CTNND1: variants seen among roughly 807,000 people sequenced by gnomAD.
CTNND1 encodes catenin delta-1.
In CTNND1, 16 loss-of-function variants were observed where a neutral mutation model predicts 112.1. That is an observed-to-expected ratio of 0.14 (90% CI 0.10 to 0.22). The LOEUF is 0.22. Ranked by LOEUF, CTNND1 falls within the 10% of genes least tolerant of loss-of-function variation. The pLI, the probability that CTNND1 is intolerant of heterozygous loss-of-function variation, is 1.00. For synonymous variants in CTNND1, 420 were observed against 446.5 expected, an observed-to-expected ratio of 0.94 and a Z score of 0.75; for missense variants, 1,008 against 1,257.0, an observed-to-expected ratio of 0.80 and a Z score of 3.00.
rs572988636 is a variant in CTNND1, at chr11:57,800,941, G to C, written c.957-792G>C. On this transcript the variant is annotated intron_variant, in intron 6 of 20. Coordinates refer to ENST00000399050, the MANE Select transcript of CTNND1 (RefSeq NM_001085458.2). ...TTTCTTACTTTCAATTGCTTTCTCTGTTCCTAGTGGCTGGGCTTCCCAAAT... is the reference window on the plus strand; with the variant it reads ...TTTCTTACTTTCAATTGCTTTCTCTCTTCCTAGTGGCTGGGCTTCCCAAAT... Among the ~76,000 whole-genome samples, 4 of 152,312 alleles carry C rather than the reference G, an allele frequency of 2.6e-5. No individual in the cohort carries two copies. The South Asian group carries it at 6.2e-4, about 24-fold the overall frequency.
At chr11:57,764,262 G>C (rs1276315066) in intron 1 of CTNND1, 2 of 152,084 alleles carry the variant, frequency 1.3e-5, no homozygotes, top group Non-Finnish European at 2.9e-5. Context: ...TCTTTTAGGT[G>C]GTTGGAGTTC....
At chr11:57,778,806 C>G (rs2059277116) in intron 1 of CTNND1, among the ~76,000 whole-genome samples, 1 of 152,140 alleles carries the variant, frequency 6.6e-6, no homozygotes. Flanking sequence ...GGGTCGATGT[C>G]TTTGTGGTTC....
At chr11:57,785,618 C>T (rs1178939620) in intron 1 of CTNND1, among the ~76,000 whole-genome samples, 3 of 151,966 alleles carry the variant, frequency 2.0e-5, no homozygotes, top group South Asian at 2.1e-4. Context: ...GGCATGATCT[C>T]GGCTCACTGC....
intron 4 of CTNND1, 73 bp from the exon 5 acceptor site, chr11:57,795,504 T>C (rs1372864295): frequency 2.0e-6 from 3 of 1,500,848 alleles, no homozygotes; most frequent in South Asian, 2.5e-5. Flanking sequence ...TTACCACTTA[T>C]GCTTCTTATT....
At chr11:57,809,826 C>T (rs1591652494) in intron 15 of CTNND1, among the ~76,000 whole-genome samples, 1 of 152,186 alleles carries the variant, frequency 6.6e-6, no homozygotes, top group East Asian at 1.9e-4. Context: ...TCTCCTGGCT[C>T]AGCCTCCTGA....
rs1373000734 is a variant in CTNND1 at position 57,816,635 on chromosome 11, A to G, written c.*327A>G. 6 of 428,982 alleles carry G rather than the reference A, an allele frequency of 1.4e-5. No homozygotes were observed. The highest frequency in any genetic ancestry group is 2.6e-5 in the Non-Finnish European group (6 of 235,042). The allele number at this position is 428,982 out of a possible 1,614,324, so 26.6% of individuals were successfully genotyped here. The stretch of plus-strand genomic sequence containing the variant: ...GAACTCCTGGCCTTTTGTGGAGGGG[A>G]GGGATGGAGAGAATAGGAATCTTCA... On this transcript the variant is annotated 3_prime_UTR_variant, in exon 21 of 21. Transcript: ENST00000399050.
At chr11:57,770,610 G>A (rs1334961363) in intron 1 of CTNND1, among the ~76,000 whole-genome samples, 1 of 150,280 alleles carries the variant, frequency 6.7e-6, no homozygotes, top group Non-Finnish European at 1.5e-5. Flanking sequence ...CCGAAATCGC[G>A]CCACTGCACT....
Position 57,761,881 on chromosome 11 carries a change from A to G in CTNND1, c.-452A>G, listed in dbSNP as rs1046577187. 65 of 985,272 alleles carry G rather than the reference A, an allele frequency of 6.6e-5. No homozygotes were observed. The highest frequency in any genetic ancestry group is 7.6e-5 in the Non-Finnish European group (63 of 829,904). The allele number at this position is 985,272 out of a possible 1,614,324, so 61.0% of individuals were successfully genotyped here. On this transcript the variant is annotated 5_prime_UTR_variant, in exon 1 of 21. Coordinates refer to ENST00000399050, the MANE Select transcript of CTNND1 (RefSeq NM_001085458.2). ...TTTTAGGTGTTGGATCTGAGGGGGA[A>G]AAAAAAGAGAGAGGGAGAGAGAGAG...
chr11:57,796,386 C>T, intron 5 of CTNND1, 71 bp from the exon 6 acceptor site: 3 of 1,120,346 alleles, frequency 2.7e-6, no homozygotes, highest in Non-Finnish European at 3.6e-6. Flanking sequence ...GACTCCATCT[C>T]AAAAAAAAAA....
intron 1 of CTNND1, among the ~76,000 whole-genome samples, chr11:57,780,528 A>C (rs865963120): frequency 1.3e-5 from 2 of 152,242 alleles, no homozygotes; most frequent in South Asian, 2.1e-4. Context: ...TATTTATAAA[A>C]AGAGGCCATT....
intron 14 of CTNND1, 87 bp from the exon 15 acceptor site, chr11:57,809,187 T>G: frequency 8.5e-6 from 8 of 941,204 alleles, no homozygotes; most frequent in Non-Finnish European, 1.3e-5. Flanking sequence ...CACCTACACT[T>G]GATATGATTA....
Position 57,791,660 on chromosome 11 carries a change from C to T in CTNND1, c.182C>T (p.Thr61Ile). 1 of 1,573,712 alleles carries T rather than the reference C, an allele frequency of 6.4e-7. No homozygotes were observed. The highest frequency in any genetic ancestry group is 1.2e-5 in the South Asian group (1 of 86,732). Residue 61 changes from threonine (T) to isoleucine (I), a missense_variant, in exon 3 of 21, where the codon ACC becomes ATC. By Grantham distance (89) the Thr-to-Ile change is moderately conservative. This residue lies in a region of CTNND1 where 404 missense variants were observed against 457.9 expected (regional missense o/e 0.88). Transcript: ENST00000399050. ...CCACTCATGGCCAACGGCACACTCA[C>T]CCGCCGGCATCAGGTAACCCCTCTC... ...ANPLMANGTL[T>I]RRHQNGRFVG...
chr11:57,809,472 C>T lies in CTNND1; in HGVS notation c.2435+6C>T. ...GTGTTGATCAACAAATCAGGGTGAGCTTACCACCTAAAATTACAGTCAAAA... is the reference window on the plus strand; with the variant it reads ...GTGTTGATCAACAAATCAGGGTGAGTTTACCACCTAAAATTACAGTCAAAA... On this transcript the variant is annotated splice_donor_region_variant and intron_variant, in intron 15 of 20. Transcript: ENST00000399050. 6.2e-7 allele frequency: 1 copy of T among 1,602,088 alleles called. No homozygotes were observed. The highest frequency in any genetic ancestry group is 1.1e-5 in the South Asian group (1 of 89,310).
chr11:57,805,011 G>A (rs904936962), intron 9 of CTNND1, among the ~76,000 whole-genome samples: 26 of 152,228 alleles, frequency 1.7e-4, no homozygotes, highest in African/African-American at 6.0e-4. Context: ...CGATTCTCAT[G>A]CCTCAGCCTC....
chr11:57,818,024 T>C lies in CTNND1; in HGVS notation c.*1716T>C, dbSNP rs2064066908. On this transcript the variant is annotated 3_prime_UTR_variant, in exon 21 of 21. Coordinates refer to ENST00000399050, the MANE Select transcript of CTNND1 (RefSeq NM_001085458.2). The stretch of plus-strand genomic sequence containing the variant: ...CCTTTACTCGTGCATTAAAATTTCT[T>C]ATTTACCCTTTTCCCCCTTCCCATT... The C allele has an allele frequency of 6.6e-6, 1 of 152,532 alleles. No homozygotes were observed. The highest frequency in any genetic ancestry group is 2.4e-5 in the African/African-American group (1 of 41,400). The allele number at this position is 152,532 out of a possible 1,614,324, so 9.4% of individuals were successfully genotyped here.
chr11:57,806,006 C>G lies in CTNND1; in HGVS notation c.1847C>G (p.Ala616Gly). 1 of 1,611,630 alleles carries G rather than the reference C, an allele frequency of 6.2e-7. No homozygotes were observed. The highest frequency in any genetic ancestry group is 8.5e-7 in the Non-Finnish European group (1 of 1,178,730). Residue 616 changes from alanine (A) to glycine (G), a missense_variant, in exon 10 of 21, where the codon GCC becomes GGC. This residue lies in a region of CTNND1 where 254 missense variants were observed against 279.5 expected (regional missense o/e 0.91). Transcript: ENST00000399050. ...GCCAACAATACTGGGCCACATGCTG[C>G]CAGTTGCTTTGGGGCCAAGAAGGGC... is the stretch of plus-strand genomic sequence containing the variant. ...NVANNTGPHA[A>G]SCFGAKKGKD...
chr11:57,808,650 TC>T, intron 14 of CTNND1, 110 bp downstream of exon 14: 1 of 1,053,260 alleles, frequency 9.5e-7, no homozygotes, highest in East Asian at 2.8e-5. Flanking sequence ...GGAAGGACCC[TC>T]CCCCGCTTCA....
Position 57,796,733 on chromosome 11 carries a change from C to T in CTNND1, c.697C>T (p.Arg233Trp), listed in dbSNP as rs748989464. ...GGSDNYGSLS[R>W]VTRIEERYRP... The stretch of plus-strand genomic sequence containing the variant: ...CAGTGATAACTATGGCAGTCTGTCC[C>T]GGGTGACCCGCATTGAGGAGCGGTA... The change falls in exon 6 of 21, where the codon CGG becomes TGG. Residue 233 changes from arginine (R) to tryptophan (W), a missense_variant. Coordinates refer to ENST00000399050, the MANE Select transcript of CTNND1 (RefSeq NM_001085458.2). 2.5e-6 allele frequency: 4 copies of T among 1,613,852 alleles called. No individual in the cohort carries two copies. The highest frequency in any genetic ancestry group is 2.5e-6 in the Non-Finnish European group (3 of 1,179,784).
Position 57,801,874 on chromosome 11 carries a change from A to G in CTNND1, c.1098A>G (p.Pro366=), listed in dbSNP as rs772280620. 3.1e-6 allele frequency: 5 copies of G among 1,614,056 alleles called. 1 individual carries two copies. The Admixed American group carries it at 6.7e-5, about 22-fold the overall frequency. The part of the protein sequence containing the change: ...GGPPPPNWRQ[P]ELPEVIAMLG... ...CTCCACCTCCTAATTGGAGACAGCC[A>G]GAGCTGCCAGAGGTGATCGCCATGC... The change falls in exon 7 of 21, where the codon CCA becomes CCG. Residue 366 remains proline (P), a synonymous_variant. Coordinates refer to ENST00000399050, the MANE Select transcript of CTNND1 (RefSeq NM_001085458.2).
Sources: allele counts gnomAD v4.1 joint callset (sites outside exome capture counted in the v4.1 genomes callset), GRCh38; gene constraint gnomAD v4.1.1; regional missense constraint gnomAD v4.1.1; transcripts MANE v1.5; gene names NCBI Gene and HGNC (gene_info 2026-07-23, HGNC 2026-07-21).